ATP10A: variants seen among roughly 807,000 people sequenced by gnomAD.
The protein encoded by ATP10A is ATPase phospholipid transporting 10A (putative), also known as phospholipid-transporting ATPase VA.
ATP10A carries 111 observed loss-of-function variants against 147.8 expected under a neutral mutation model. The ratio of observed to expected loss-of-function variants is 0.75; its 90% confidence interval spans 0.64 to 0.88. ATP10A has a LOEUF of 0.88. Ranked by LOEUF, ATP10A falls within the 40% of genes least tolerant of loss-of-function variation. The pLI is 0.00. For synonymous variants in ATP10A, 875 were observed against 841.6 expected, an observed-to-expected ratio of 1.04 and a Z score of -0.69; for missense variants, 1,927 against 1,959.0, an observed-to-expected ratio of 0.98 and a Z score of 0.31.
intron 2 of ATP10A, among the ~76,000 whole-genome samples, chr15:25,738,164 A>G (rs1887391359): frequency 6.6e-6 from 1 of 152,164 alleles, no homozygotes; most frequent in South Asian, 2.1e-4. Flanking sequence ...CATTTAGGAA[A>G]TACATTGATT....
chr15:25,817,145 C>T (rs1301894263), intron 1 of ATP10A, among the ~76,000 whole-genome samples: 3 of 152,058 alleles, frequency 2.0e-5, no homozygotes, highest in Non-Finnish European at 2.9e-5. Context: ...TACAATGGTG[C>T]AATCTTGGCT....
intron 16 of ATP10A, 81 bp downstream of exon 16, chr15:25,687,622 C>A (rs184840652): frequency 1.1e-6 from 1 of 883,140 alleles, no homozygotes; most frequent in African/African-American, 1.8e-5. Context: ...TCTGCTCCAT[C>A]CTCCTTCGCC....
At position 25,851,077 on chromosome 15, in the gene ATP10A, A is replaced by AG. The variant is rs1893276370; in HGVS notation, c.449+11570dup. ...CTCGGGGACTCCGCCGAACTTGGGG[A>AG]GGGAGCCTTGTCAAGTCTGGCCTGG... is the stretch of plus-strand genomic sequence containing the variant. On this transcript the variant is annotated intron_variant, in intron 1 of 20. Coordinates refer to ENST00000555815, the MANE Select transcript of ATP10A (RefSeq NM_024490.4). 2.0e-5 allele frequency among the ~76,000 whole-genome samples: 3 copies of AG among 151,668 alleles called. No homozygotes were observed. In the South Asian group the frequency reaches 6.3e-4, roughly 32 times the overall value.
chr15:25,687,601 A>G (rs960095763), intron 16 of ATP10A, 102 bp downstream of exon 16: 1 of 753,888 alleles, frequency 1.3e-6, no homozygotes, highest in Admixed American at 5.2e-5. Context: ...CAGGTTGTCC[A>G]TGGCCTCCCA....
At chr15:25,789,708 A>G (rs1890325181) in intron 1 of ATP10A, among the ~76,000 whole-genome samples, 1 of 152,198 alleles carries the variant, frequency 6.6e-6, no homozygotes, top group South Asian at 2.1e-4. Flanking sequence ...TAGAAAGCCC[A>G]GAATGCCAGC....
In ATP10A at chr15:25,687,810, A is replaced by G. The variant is rs762371153; in HGVS notation, c.3184T>C (p.Phe1062Leu). The change falls in exon 16 of 21, where the codon TTT becomes CTT. Residue 1062 changes from phenylalanine (F) to leucine (L), a missense_variant. Phe to Leu is a conservative substitution (Grantham distance 22). Transcript: ENST00000555815. ...EGMQAVMASD[F>L]AVPKFRYLER... ...AGGTATCGGAATTTCGGCACTGCAA[A>G]GTCGCTGGCCATCACTGCCTTCAAA... 5.0e-6 allele frequency: 8 copies of G among 1,613,808 alleles called. No individual in the cohort carries two copies. The highest frequency in any genetic ancestry group is 1.7e-5 in the Admixed American group (1 of 60,006).
At chr15:25,787,611 TAAAAA>T (rs745619844) in intron 1 of ATP10A, among the ~76,000 whole-genome samples, 2 of 90,038 alleles carry the variant, frequency 2.2e-5, no homozygotes, top group African/African-American at 3.7e-5. Context: ...GACTCCTTCT[TAAAAA>T]AAAAAAAAAA....
At chr15:25,777,266 T>C (rs1889661944) in intron 2 of ATP10A, among the ~76,000 whole-genome samples, 1 of 152,022 alleles carries the variant, frequency 6.6e-6, no homozygotes, top group Non-Finnish European at 1.5e-5. Flanking sequence ...CCATGCACCC[T>C]CTCAAAGGTG....
At chr15:25,758,682 G>C (rs1387988326) in intron 2 of ATP10A, among the ~76,000 whole-genome samples, 29 of 106,364 alleles carry the variant, frequency 2.7e-4, no homozygotes, top group Non-Finnish European at 3.7e-4. Context: ...AACTCATTCC[G>C]ACCACCTGCT....
At chr15:25,782,925 T>A (rs1301658523) in intron 1 of ATP10A, among the ~76,000 whole-genome samples, 1 of 152,032 alleles carries the variant, frequency 6.6e-6, no homozygotes, top group Non-Finnish European at 1.5e-5. Flanking sequence ...ATCCCAGCAC[T>A]TTGGGAAGCT....
At chr15:25,673,543 C>G (rs145529740), downstream of ATP10A, among the ~76,000 whole-genome samples, 612 of 152,308 alleles carry the variant, frequency 4.0e-3, 6 homozygotes, top group African/African-American at 0.014. Context: ...TGAACTGGAC[C>G]CGACAGCTGG....
At chr15:25,763,322 G>A (rs1299164085) in intron 2 of ATP10A, among the ~76,000 whole-genome samples, 1 of 152,060 alleles carries the variant, frequency 6.6e-6, no homozygotes, top group Non-Finnish European at 1.5e-5. Context: ...TTTAACATCC[G>A]CTCATCTGTT....
intron 2 of ATP10A, 104 bp from the exon 3 acceptor site, chr15:25,736,245 G>A (rs1055376031): frequency 2.9e-5 from 25 of 852,852 alleles, no homozygotes; most frequent in Admixed American, 8.0e-5. Flanking sequence ...CACATTTCAC[G>A]GGGGAAGAAC....
intron 17 of ATP10A, 101 bp from the exon 18 acceptor site, chr15:25,681,175 C>G (rs72701774): frequency 1.1e-6 from 1 of 944,152 alleles, no homozygotes; most frequent in East Asian, 2.9e-5. Flanking sequence ...AAAACAACAA[C>G]AATAACAACA....
intron 12 of ATP10A, among the ~76,000 whole-genome samples, chr15:25,707,185 T>C (rs952334059): frequency 1.3e-4 from 20 of 152,190 alleles, no homozygotes; most frequent in African/African-American, 4.3e-4. Context: ...TGTATTATAC[T>C]AGAAATGTAG....
At chr15:25,689,960 T>G (rs1312456655) in intron 15 of ATP10A, among the ~76,000 whole-genome samples, 1 of 152,234 alleles carries the variant, frequency 6.6e-6, no homozygotes, top group African/African-American at 2.4e-5. Flanking sequence ...CATCAGATTT[T>G]CAGTAGAGGA....
chr15:25,851,996 CTAA>C (rs1371710291), intron 1 of ATP10A, among the ~76,000 whole-genome samples: 1 of 152,208 alleles, frequency 6.6e-6, no homozygotes, highest in African/African-American at 2.4e-5. Context: ...AACAGGAATA[CTAA>C]TGAGTTGCAA....
At chr15:25,701,156 G>A (rs1367143666) in intron 13 of ATP10A, among the ~76,000 whole-genome samples, 1 of 152,220 alleles carries the variant, frequency 6.6e-6, no homozygotes, top group African/African-American at 2.4e-5. Flanking sequence ...CTTACAGATG[G>A]AGTGAGAGGT....
chr15:25,765,728 G>GT (rs1888984280), intron 2 of ATP10A, among the ~76,000 whole-genome samples: 1 of 152,196 alleles, frequency 6.6e-6, no homozygotes, highest in South Asian at 2.1e-4. Flanking sequence ...TTAGACAGAG[G>GT]TATTGTATTC....
Sources: gnomAD v4.1 joint callset for allele counts (sites outside exome capture counted in the v4.1 genomes callset) on GRCh38, gnomAD v4.1.1 for gene constraint, MANE v1.5 for transcripts, NCBI Gene and HGNC (gene_info 2026-07-23, HGNC 2026-07-21) for gene names.